The following RORA variants were observed in gnomAD, a reference collection of about 807,000 sequenced individuals.
RORA encodes RAR related orphan receptor A, also known as nuclear receptor ROR-alpha.
Under a neutral mutation model 69.5 loss-of-function variants are expected in RORA, and 7 were observed. The ratio of observed to expected loss-of-function variants is 0.10; its 90% CI spans 0.06 to 0.19. RORA has a LOEUF of 0.19. Among genes scored for constraint, RORA ranks in the 10% least tolerant of loss-of-function variants. The probability of loss-of-function intolerance (pLI) is 1.00; values close to 1 mark genes in which losing one functional copy is unlikely to be tolerated. For synonymous variants in RORA, 261 were observed against 240.8 expected, an observed-to-expected ratio of 1.08 and a Z score of -0.78; for missense variants, 457 against 663.0, an observed-to-expected ratio of 0.69 and a Z score of 3.41.
At chr15:60,749,871 T>C (rs146267729) in intron 1 of RORA, among the ~76,000 whole-genome samples, 47 of 152,086 alleles carry the variant, frequency 3.1e-4, no homozygotes, top group African/African-American at 1.1e-3. Context: ...CTACTACAAA[T>C]TACAAAAAAT....
chr15:61,138,210 T>C (rs907544388), intron 1 of RORA, among the ~76,000 whole-genome samples: 4 of 152,244 alleles, frequency 2.6e-5, no homozygotes, highest in Non-Finnish European at 5.9e-5. Flanking sequence ...TATTTGGTTC[T>C]TAAGATTCAT....
chr15:60,787,312 C>T (rs1010653732), intron 1 of RORA, among the ~76,000 whole-genome samples: 1 of 152,164 alleles, frequency 6.6e-6, no homozygotes, highest in African/African-American at 2.4e-5. Flanking sequence ...GCAACAGTCC[C>T]TTTCTTGTTT....
intron 1 of RORA, among the ~76,000 whole-genome samples, chr15:60,882,998 G>A (rs1387385816): frequency 1.3e-5 from 2 of 151,878 alleles, no homozygotes; most frequent in Non-Finnish European, 2.9e-5. Context: ...GGTCTTGGTG[G>A]CAGGCGCCTG....
chr15:60,532,918 G>A (rs1252872005), intron 2 of RORA, among the ~76,000 whole-genome samples: 1 of 152,098 alleles, frequency 6.6e-6, no homozygotes, highest in Non-Finnish European at 1.5e-5. Flanking sequence ...TTTCATTTCT[G>A]TACAGCCCTT....
intron 3 of RORA, chr15:60,530,147 G>A (rs1030564881): frequency 1.3e-5 from 2 of 152,282 alleles, no homozygotes; most frequent in Non-Finnish European, 2.9e-5. Context: ...ACAGGGTGAG[G>A]GTGAAAAGCA....
intron 1 of RORA, among the ~76,000 whole-genome samples, chr15:60,968,500 A>G (rs1404759621): frequency 2.0e-5 from 3 of 152,204 alleles, no homozygotes; most frequent in Non-Finnish European, 4.4e-5. Flanking sequence ...ACCCAGGCTC[A>G]CACTGGAATC....
intron 2 of RORA, among the ~76,000 whole-genome samples, chr15:60,651,911 G>A (rs947308238): frequency 1.3e-5 from 2 of 152,188 alleles, no homozygotes; most frequent in African/African-American, 2.4e-5. Flanking sequence ...GTCACCAGGT[G>A]GAAAGCTGTC....
chr15:60,827,437 T>C (rs1390710801), intron 1 of RORA, among the ~76,000 whole-genome samples: 1 of 152,180 alleles, frequency 6.6e-6, no homozygotes, highest in East Asian at 1.9e-4. Context: ...ATTTGGAAAC[T>C]TTTCCCCAGA....
chr15:60,889,934 C>G (rs1410642503), intron 1 of RORA, among the ~76,000 whole-genome samples: 1 of 152,092 alleles, frequency 6.6e-6, no homozygotes, highest in Non-Finnish European at 1.5e-5. Flanking sequence ...TTGTGACACA[C>G]AAAGAATAAG....
chr15:60,660,324 C>G (rs922986368), intron 2 of RORA, among the ~76,000 whole-genome samples: 1 of 152,320 alleles, frequency 6.6e-6, no homozygotes, highest in African/African-American at 2.4e-5. Flanking sequence ...TCAAGTAATT[C>G]TCAGTTTTCC....
At chr15:60,699,926 T>G (rs1201986248) in intron 1 of RORA, among the ~76,000 whole-genome samples, 2 of 152,148 alleles carry the variant, frequency 1.3e-5, no homozygotes, top group Non-Finnish European at 2.9e-5. Context: ...AGGGCTTCAT[T>G]TGCTGATTTC....
intron 1 of RORA, among the ~76,000 whole-genome samples, chr15:60,961,938 T>C (rs1018084884): frequency 6.6e-6 from 1 of 152,136 alleles, no homozygotes; most frequent in Non-Finnish European, 1.5e-5. Flanking sequence ...CGAATATATA[T>C]GTGAAAGGTG....
intron 2 of RORA, chr15:60,627,244 G>C (rs766996823): frequency 6.2e-7 from 1 of 1,614,116 alleles, no homozygotes. Context: ...TTACCTTCTG[G>C]CTCCTTCACC....
At chr15:60,547,786 A>G (rs2067118746) in intron 2 of RORA, 1 of 152,188 alleles carries the variant, frequency 6.6e-6, no homozygotes, top group African/African-American at 2.4e-5. Context: ...GGTGAAAGCC[A>G]TTTCAGAAGA....
intron 1 of RORA, among the ~76,000 whole-genome samples, chr15:61,008,992 C>T (rs1316860897): frequency 6.6e-6 from 1 of 152,108 alleles, no homozygotes; most frequent in East Asian, 1.9e-4. Flanking sequence ...GATAAACATC[C>T]TATCAGAGTC....
intron 2 of RORA, among the ~76,000 whole-genome samples, chr15:60,536,828 TG>T (rs528995459): frequency 4.7e-4 from 72 of 152,236 alleles, no homozygotes; most frequent in Non-Finnish European, 9.6e-4. Flanking sequence ...CAAAAACTAG[TG>T]CTTTAAAAAG....
intron 1 of RORA, among the ~76,000 whole-genome samples, chr15:61,159,112 A>G (rs1414937125): frequency 6.6e-6 from 1 of 152,192 alleles, no homozygotes; most frequent in Non-Finnish European, 1.5e-5. Context: ...CTCTGATTTA[A>G]GAACAACTTC....
intron 2 of RORA, among the ~76,000 whole-genome samples, chr15:60,625,654 A>G (rs2140637825): frequency 6.6e-6 from 1 of 152,390 alleles, no homozygotes; most frequent in South Asian, 2.1e-4. Flanking sequence ...CGAAATTGCT[A>G]TGGAATTATC....
At chr15:60,955,147 C>T (rs565588301) in intron 1 of RORA, among the ~76,000 whole-genome samples, 31 of 152,176 alleles carry the variant, frequency 2.0e-4, no homozygotes, top group African/African-American at 6.7e-4. Flanking sequence ...ACTAAAAATA[C>T]GAAAATTAGC....
Sources: gnomAD v4.1 joint callset for allele counts (sites outside exome capture counted in the v4.1 genomes callset) on GRCh38, gnomAD v4.1.1 for gene constraint, MANE v1.5 for transcripts, NCBI Gene and HGNC (gene_info 2026-07-23, HGNC 2026-07-21) for gene names.